Variants in NCAPG observed in about 807,000 individuals in gnomAD.
NCAPG encodes non-SMC condensin I complex subunit G, also known as condensin complex subunit 3.
In NCAPG, 69 loss-of-function variants were observed where a neutral mutation model predicts 113.1. The ratio of observed to expected loss-of-function variants is 0.61; its 90% confidence interval spans 0.50 to 0.75. The LOEUF is 0.75. Ranked by LOEUF, NCAPG falls within the 30% of genes least tolerant of loss-of-function variation. The pLI is 0.00. For missense variants in NCAPG, 1,058 were observed against 1,177.0 expected (o/e 0.90, Z 1.48); for synonymous variants, 370 against 415.8 (o/e 0.89, Z 1.34).
intron 14 of NCAPG, among the ~76,000 whole-genome samples, chr4:17,835,834 A>G (rs988595319): frequency 3.9e-5 from 6 of 152,262 alleles, no homozygotes; most frequent in Non-Finnish European, 1.5e-5. Flanking sequence ...ACTCCATTTT[A>G]TGTATATATG....
At chr4:17,821,588 T>A (rs1721459145) in intron 7 of NCAPG, among the ~76,000 whole-genome samples, 1 of 151,450 alleles carries the variant, frequency 6.6e-6, no homozygotes, top group African/African-American at 2.4e-5. Context: ...CTCAGCCTCC[T>A]GAGTAGCTGG....
chr4:17,816,817 G>A (rs189361295), intron 5 of NCAPG, among the ~76,000 whole-genome samples: 17 of 152,236 alleles, frequency 1.1e-4, no homozygotes, highest in Admixed American at 1.1e-3. Context: ...GCAGTATCAT[G>A]GTACTTCTTT....
Position 17,812,283 on chromosome 4 carries a change from C to G in NCAPG, c.174C>G (p.Val58=). 8 of 1,613,544 alleles carry G rather than the reference C, an allele frequency of 5.0e-6. No individual in the cohort carries two copies. The highest frequency in any genetic ancestry group is 6.8e-6 in the Non-Finnish European group (8 of 1,179,788). The change falls in exon 2 of 21, where the codon GTC becomes GTG. Residue 58 remains valine, a synonymous_variant. Transcript: ENST00000251496. ...ATTACCTTAAATATGTTATGGTGGT[C>G]TATAAACGTGAACCAGCTGTGGAGA... ...FIHYLKYVMV[V]YKREPAVERV...
At position 17,843,597 on chromosome 4, in the gene NCAPG, T is replaced by C; in HGVS notation, c.*172T>C. ...TAAAGCAGTAGAGCAGCATCAGTTA[T>C]TATAGTCCAGAAAAAGTGTGCATCA... On this transcript the variant is annotated 3_prime_UTR_variant, in exon 21 of 21. Transcript: ENST00000251496. 2 of 579,826 alleles carry C rather than the reference T, an allele frequency of 3.4e-6. No homozygotes were observed. Among genetic ancestry groups the C allele is most frequent in the Non-Finnish European group, 5.9e-6 (2 of 341,688 alleles). The allele number at this position is 579,826 out of a possible 1,614,324, so 35.9% of individuals were successfully genotyped here.
chr4:17,817,842 GT>G (rs1721277569), intron 6 of NCAPG, 96 bp from the exon 7 acceptor site: 3 of 1,256,496 alleles, frequency 2.4e-6, no homozygotes, highest in Admixed American at 3.0e-5. Flanking sequence ...TAGTGTAGTG[GT>G]TTTAAAGCAA....
intron 12 of NCAPG, among the ~76,000 whole-genome samples, 178 bp downstream of exon 12, chr4:17,828,566 C>G (rs1213585290): frequency 1.3e-5 from 2 of 151,960 alleles, no homozygotes; most frequent in Non-Finnish European, 1.5e-5. Flanking sequence ...AATAAGATGT[C>G]TGTAAAGGAC....
rs942004402 is a variant in NCAPG, at chr4:17,811,746, A to G, written c.112-475A>G. Among the ~76,000 whole-genome samples, 1 of 152,240 alleles carries G rather than the reference A, an allele frequency of 6.6e-6. No homozygotes were observed. Among genetic ancestry groups the G allele is most frequent in the African/African-American group, 2.4e-5 (1 of 41,470 alleles). ...GTGGAACCTTGAGAAGAATAGAACA[A>G]TTAATTTGGGGAAGATGAATTATCT... On this transcript the variant is annotated intron_variant, in intron 1 of 20. Coordinates refer to ENST00000251496, the MANE Select transcript of NCAPG (RefSeq NM_022346.5). This position sits in a 1 kb window ranked among gnomAD's most constrained non-coding sequence, Gnocchi z 5.3.
At chr4:17,832,312 AG>A (rs1721896623) in intron 13 of NCAPG, among the ~76,000 whole-genome samples, 1 of 152,152 alleles carries the variant, frequency 6.6e-6, no homozygotes, top group Non-Finnish European at 1.5e-5. Flanking sequence ...GGTTTGGACG[AG>A]GGTTGTGGTT....
chr4:17,834,287 A>G lies in NCAPG; in HGVS notation c.1885-12A>G. 6.5e-7 allele frequency: 1 copy of G among 1,539,148 alleles called. No homozygotes were observed. The highest frequency in any genetic ancestry group is 8.8e-7 in the Non-Finnish European group (1 of 1,137,684). On this transcript the variant is annotated splice_polypyrimidine_tract_variant and intron_variant, in intron 13 of 20. Transcript: ENST00000251496. ...GAATTTACTTTTTTTGGTGGGGAATATCTTGATTTAGGTTTTGCAAATTGA... is the reference window on the plus strand; with the variant it reads ...GAATTTACTTTTTTTGGTGGGGAATGTCTTGATTTAGGTTTTGCAAATTGA...
In NCAPG at chr4:17,843,774, G is replaced by A. The variant is rs1443036500; in HGVS notation, c.*349G>A. ...TAACTAGCTAGTAGCTTGCATTTGA[G>A]AAGCTTATGACTTAGATGGGCAGAA... On this transcript the variant is annotated 3_prime_UTR_variant, in exon 21 of 21. Transcript: ENST00000251496. 1 of 160,862 alleles carries A rather than the reference G, an allele frequency of 6.2e-6. No individual in the cohort carries two copies. The highest frequency in any genetic ancestry group is 6.1e-5 in the Admixed American group (1 of 16,452). The allele number at this position is 160,862 out of a possible 1,614,324, so 10.0% of individuals were successfully genotyped here. A position where few individuals can be genotyped will look rare whatever the true frequency, so the allele number is the denominator to read the frequency against.
In NCAPG at chr4:17,815,328, C is replaced by T. The variant is rs1021710763; in HGVS notation, c.745C>T (p.Leu249Phe). 8 of 1,586,068 alleles carry T rather than the reference C, an allele frequency of 5.0e-6. No homozygotes were observed. Among genetic ancestry groups the T allele is most frequent in the Non-Finnish European group, 6.8e-6 (8 of 1,173,478 alleles). The change falls in exon 5 of 21, where the codon CTC (leucine) becomes TTC (phenylalanine). Residue 249 changes from leucine (L) to phenylalanine (F), a missense_variant. Transcript: ENST00000251496. Reference protein sequence around the residue: ...RAMSIAQRVMLLQQGLNDRSD... With the variant: ...RAMSIAQRVMFLQQGLNDRSD... ...TATGTCCATTGCTCAGAGAGTAATG[C>T]TCCTTCAACAAGGTCTTAATGACAG...
At chr4:17,821,457 CTTTTTT>C (rs34483824) in intron 7 of NCAPG, among the ~76,000 whole-genome samples, 5 of 104,490 alleles carry the variant, frequency 4.8e-5, no homozygotes, top group African/African-American at 1.8e-4. Context: ...TCACCCCCGC[CTTTTTT>C]TTTTTTTTTT....
intron 19 of NCAPG, 57 bp downstream of exon 19, chr4:17,840,750 A>T (rs1722330262): frequency 2.6e-6 from 3 of 1,154,782 alleles, no homozygotes; most frequent in Non-Finnish European, 3.5e-6. Flanking sequence ...TCTTCCAATG[A>T]AAAATACTTG....
At position 17,822,996 on chromosome 4, in the gene NCAPG, A is replaced by G; in HGVS notation, c.1132A>G (p.Ile378Val). The part of the protein sequence containing the change: ...ADYLLSYIQS[I>V]PVVNEEHRGD... The stretch of plus-strand genomic sequence containing the variant: ...TGCTTGTTTTAGTTACATCCAGAGC[A>G]TTCCAGTTGTTAATGAAGAACACAG... The change falls in exon 8 of 21, where the codon ATT becomes GTT. Residue 378 changes from isoleucine (I) to valine (V), a missense_variant. Coordinates refer to ENST00000251496, the MANE Select transcript of NCAPG (RefSeq NM_022346.5). 3.1e-6 allele frequency: 5 copies of G among 1,602,036 alleles called. No homozygotes were observed. The highest frequency in any genetic ancestry group is 4.3e-6 in the Non-Finnish European group (5 of 1,176,302).
At chr4:17,812,596 C>CTTT (rs1228779255) in intron 2 of NCAPG, among the ~76,000 whole-genome samples, 172 bp downstream of exon 2, 1 of 152,130 alleles carries the variant, frequency 6.6e-6, no homozygotes, top group African/African-American at 2.4e-5. Context: ...AAAAAGTGGA[C>CTTT]TTTAACTCCA....
chr4:17,840,814 T>C (rs566257415), intron 19 of NCAPG, 121 bp downstream of exon 19: 177 of 501,688 alleles, frequency 3.5e-4, no homozygotes, highest in African/African-American at 3.2e-3. Flanking sequence ...TTTTTTAAAA[T>C]GTCTTTGGTA....
At chr4:17,833,487 TGTTG>T (rs1480565394) in intron 13 of NCAPG, among the ~76,000 whole-genome samples, 2 of 111,696 alleles carry the variant, frequency 1.8e-5, no homozygotes, top group African/African-American at 7.1e-5. Context: ...TATATATTTT[TGTTG>T]TTGTTGTTGT....
At chr4:17,833,816 G>A (rs1422176238) in intron 13 of NCAPG, among the ~76,000 whole-genome samples, 3 of 152,046 alleles carry the variant, frequency 2.0e-5, no homozygotes, top group African/African-American at 7.2e-5. Context: ...TTGAGCTAAT[G>A]AGAGAAAAAT....
intron 11 of NCAPG, among the ~76,000 whole-genome samples, 190 bp from the exon 12 acceptor site, chr4:17,828,088 G>A (rs777514387): frequency 5.9e-5 from 9 of 151,970 alleles, no homozygotes; most frequent in Non-Finnish European, 1.0e-4. Context: ...GGCGTGAGTC[G>A]TTGCGCCTGG....
Sources: gnomAD v4.1 joint callset for allele counts (sites outside exome capture counted in the v4.1 genomes callset) on GRCh38, gnomAD v4.1.1 for gene constraint, Gnocchi (gnomAD v3.1) non-coding constraint, MANE v1.5 for transcripts, NCBI Gene and HGNC (gene_info 2026-07-23, HGNC 2026-07-21) for gene names.